Variants in RNF217 observed in about 807,000 individuals in gnomAD.
The protein encoded by RNF217 is E3 ubiquitin-protein ligase RNF217.
A neutral mutation model predicts 57.8 loss-of-function variants in RNF217; 31 were observed. That is an observed-to-expected ratio of 0.54 (90% CI 0.40 to 0.72). RNF217 has a LOEUF of 0.72. Among genes scored for constraint, RNF217 ranks in the 30% least tolerant of loss-of-function variants. The pLI, the probability that RNF217 is intolerant of heterozygous loss-of-function variation, is 0.00. For synonymous variants in RNF217, 313 were observed against 294.0 expected, an observed-to-expected ratio of 1.06 and a Z score of -0.66; for missense variants, 696 against 708.3, an observed-to-expected ratio of 0.98 and a Z score of 0.20.
chr6:124,991,118 T>A (rs536745526), intron 1 of RNF217, among the ~76,000 whole-genome samples: 45 of 152,256 alleles, frequency 3.0e-4, no homozygotes, highest in Non-Finnish European at 5.3e-4. Flanking sequence ...CTCCTCAGAG[T>A]AAAGGCCAAA....
At chr6:125,052,736 C>T (rs537495575) in intron 2 of RNF217, among the ~76,000 whole-genome samples, 4 of 152,242 alleles carry the variant, frequency 2.6e-5, no homozygotes, top group South Asian at 2.1e-4. Flanking sequence ...TACCTCTCCA[C>T]ATCTCATCTT....
intron 1 of RNF217, among the ~76,000 whole-genome samples, chr6:125,034,736 G>A (rs1562479011): frequency 1.3e-5 from 2 of 152,246 alleles, no homozygotes; most frequent in African/African-American, 4.8e-5. Flanking sequence ...TGTGAAGAAA[G>A]TCATTGGTAG....
At chr6:125,063,673 T>C (rs1241573234) in intron 3 of RNF217, among the ~76,000 whole-genome samples, 1 of 125,486 alleles carries the variant, frequency 8.0e-6, no homozygotes, top group South Asian at 2.7e-4. Context: ...TTTTGCACAA[T>C]AATTATAACA....
At chr6:125,007,238 T>TC (rs1271522141) in intron 1 of RNF217, among the ~76,000 whole-genome samples, 1 of 141,462 alleles carries the variant, frequency 7.1e-6, no homozygotes, top group Non-Finnish European at 1.5e-5. Context: ...CTTCTTTTTT[T>TC]CACTTTGAGC....
rs1783355874 is a variant in RNF217, at chr6:124,962,988, C to T, written c.444C>T (p.Asp148=). Residue 148 remains aspartate, a synonymous_variant, in exon 1 of 6, where the codon GAC becomes GAT. Transcript: ENST00000521654. This position sits in a 1 kb window ranked among gnomAD's most constrained non-coding sequence, Gnocchi z 4.6. ...GGGCCGCCGACGGACTGGTCCTGGA[C>T]GTGCTGGGTCAGCGGCGCCCGTCCC... The part of the protein sequence containing the change: ...RVGAADGLVL[D]VLGQRRPSLA... 1.3e-6 allele frequency: 2 copies of T among 1,597,000 alleles called. No homozygotes were observed. Among genetic ancestry groups the T allele is most frequent in the East Asian group, 2.2e-5 (1 of 44,788 alleles).
chr6:125,013,228 T>C (rs1312509734), intron 1 of RNF217, among the ~76,000 whole-genome samples: 1 of 151,936 alleles, frequency 6.6e-6, no homozygotes, highest in Non-Finnish European at 1.5e-5. Flanking sequence ...AAACAGGTAA[T>C]AAACAAATAT....
At chr6:125,082,105 G>A (rs1788597099) in intron 5 of RNF217, among the ~76,000 whole-genome samples, 1 of 152,094 alleles carries the variant, frequency 6.6e-6, no homozygotes, top group African/African-American at 2.4e-5. Context: ...ACACATTGCT[G>A]GTTTCGGTCT....
chr6:124,983,333 G>A (rs1189347176), intron 1 of RNF217: 40 of 979,204 alleles, frequency 4.1e-5, no homozygotes, highest in Non-Finnish European at 4.7e-5. Context: ...TGGTAACTAA[G>A]ATGTGGGATA....
intron 5 of RNF217, 32 bp from the exon 6 acceptor site, chr6:125,082,832 C>A: frequency 1.3e-6 from 2 of 1,495,938 alleles, no homozygotes; most frequent in Non-Finnish European, 1.9e-6. Flanking sequence ...TGCCTCTCAT[C>A]CTAACTAACT....
chr6:125,046,644 G>T (rs1363325772), intron 2 of RNF217: 3 of 455,858 alleles, frequency 6.6e-6, no homozygotes, highest in Non-Finnish European at 1.3e-5. Flanking sequence ...AGGCTGTTTG[G>T]AGTCATCTCC....
chr6:125,071,233 T>A (rs1478879415), intron 3 of RNF217, among the ~76,000 whole-genome samples: 1 of 152,178 alleles, frequency 6.6e-6, no homozygotes, highest in Admixed American at 6.5e-5. Context: ...GAAAGTAACA[T>A]GCGTTTGGTA....
At chr6:125,038,606 A>G (rs1296634405) in intron 1 of RNF217, among the ~76,000 whole-genome samples, 2 of 152,148 alleles carry the variant, frequency 1.3e-5, no homozygotes, top group East Asian at 3.9e-4. Context: ...AATTATCCCT[A>G]ATAAAAAGTT....
At chr6:125,032,202 A>G (rs1473429444) in intron 1 of RNF217, among the ~76,000 whole-genome samples, 1 of 152,190 alleles carries the variant, frequency 6.6e-6, no homozygotes, top group East Asian at 1.9e-4. Flanking sequence ...AAACCATATC[A>G]GCTGCTTTCT....
At chr6:124,968,192 C>T (rs1783620654) in intron 1 of RNF217, among the ~76,000 whole-genome samples, 1 of 152,130 alleles carries the variant, frequency 6.6e-6, no homozygotes, top group Non-Finnish European at 1.5e-5. Flanking sequence ...ATTTATAGAA[C>T]CTGTCATGCC....
chr6:125,051,960 C>T (rs1328598824), intron 2 of RNF217, among the ~76,000 whole-genome samples: 1 of 152,036 alleles, frequency 6.6e-6, no homozygotes, highest in Non-Finnish European at 1.5e-5. Flanking sequence ...CTTCTCTGGG[C>T]TTTGCTCTCT....
chr6:125,052,775 A>G (rs368174059), intron 2 of RNF217, among the ~76,000 whole-genome samples: 11 of 152,074 alleles, frequency 7.2e-5, no homozygotes, highest in Admixed American at 2.0e-4. Context: ...TTTTTAAAAC[A>G]TTTTTATAAC....
At chr6:125,078,192 C>T (rs1408809453) in intron 4 of RNF217, among the ~76,000 whole-genome samples, 1 of 152,096 alleles carries the variant, frequency 6.6e-6, no homozygotes, top group Non-Finnish European at 1.5e-5. Context: ...ATTAGTTAAA[C>T]AGATATTGGA....
rs1023881623 is a variant in RNF217, at chr6:125,087,286, G to T, written c.*4349G>T. The T allele has an allele frequency of 2.0e-5, 3 of 151,898 alleles. No homozygotes were observed. Among genetic ancestry groups the T allele is most frequent in the Non-Finnish European group, 4.4e-5 (3 of 67,920 alleles). 9.4% of individuals were successfully genotyped at this position (151,898 alleles called of 1,614,324 possible). On this transcript the variant is annotated 3_prime_UTR_variant, in exon 6 of 6. Transcript: ENST00000521654. ...TTGGCATACTTTACTACAAAAATAA[G>T]AAAATGTATGCCAAAAAACGTTTTT...
chr6:124,982,102 A>C (rs922512098), intron 1 of RNF217, among the ~76,000 whole-genome samples: 28 of 147,838 alleles, frequency 1.9e-4, no homozygotes, highest in African/African-American at 6.4e-4. Flanking sequence ...GGAGGTATGT[A>C]GCTATGTAGC....
Sources: allele counts gnomAD v4.1 joint callset (sites outside exome capture counted in the v4.1 genomes callset), GRCh38; gene constraint gnomAD v4.1.1; non-coding constraint Gnocchi (gnomAD v3.1); transcripts MANE v1.5; gene names NCBI Gene and HGNC (gene_info 2026-07-23, HGNC 2026-07-21).